CELF4: variants seen among roughly 807,000 people sequenced by gnomAD.
The protein encoded by CELF4 is CUGBP Elav-like family member 4, also known as CUG-BP- and ETR-3-like factor 4.
A neutral mutation model predicts 59.9 loss-of-function variants in CELF4; 18 were observed. That is an observed-to-expected ratio of 0.30 (90% CI 0.21 to 0.45). CELF4 has a LOEUF of 0.45. Ranked by LOEUF, CELF4 falls within the 20% of genes least tolerant of loss-of-function variation. The pLI, the probability that CELF4 is intolerant of heterozygous loss-of-function variation, is 1.00. For missense variants in CELF4, 456 were observed against 689.0 expected (o/e 0.66, Z 3.79); for synonymous variants, 261 against 267.1 (o/e 0.98, Z 0.22).
intron 1 of CELF4, among the ~76,000 whole-genome samples, chr18:37,553,958 A>G (rs532962986): frequency 4.4e-4 from 67 of 152,308 alleles, no homozygotes; most frequent in African/African-American, 1.5e-3. Context: ...CTCCCCTCAC[A>G]CGCAATTTAG....
intron 1 of CELF4, among the ~76,000 whole-genome samples, chr18:37,487,398 A>C (rs1603642464): frequency 1.3e-5 from 2 of 150,876 alleles, no homozygotes; most frequent in East Asian, 3.9e-4. Context: ...CCCACCTCCA[A>C]CTCCTGCCTC....
chr18:37,430,125 C>G (rs2099639509), intron 2 of CELF4, among the ~76,000 whole-genome samples: 1 of 152,290 alleles, frequency 6.6e-6, no homozygotes, highest in Non-Finnish European at 1.5e-5. Context: ...GGCTCTGTAC[C>G]CTGCCATCCG....
chr18:37,265,132 G>T (rs181838976), intron 9 of CELF4, among the ~76,000 whole-genome samples: 1 of 151,314 alleles, frequency 6.6e-6, no homozygotes, highest in Non-Finnish European at 1.5e-5. Flanking sequence ...TACATTACAT[G>T]CATACATGCA....
Position 37,485,552 on chromosome 18 carries a change from C to T in CELF4, c.342G>A (p.Ala114=), listed in dbSNP as rs539903115. ...ERESALKAQS[A]LHEQKTLPGM... is the part of the protein sequence containing the mutation. ...CGGGCAGAGTCTTCTGCTCGTGCAG[C>T]GCGCTCTGGGCCTTCAGCGCTGACT... The change falls in exon 2 of 13, where the codon GCG becomes GCA. Residue 114 remains alanine, a synonymous_variant. Coordinates refer to ENST00000420428, the MANE Select transcript of CELF4 (RefSeq NM_020180.4). 80 of 1,435,334 alleles carry T rather than the reference C, an allele frequency of 5.6e-5. No homozygotes were observed. The South Asian group carries it at 1.1e-3, about 20-fold the overall frequency. The allele number at this position is 1,435,334 out of a possible 1,614,324, so 88.9% of individuals were successfully genotyped here.
At chr18:37,514,826 A>T (rs1366963349) in intron 1 of CELF4, among the ~76,000 whole-genome samples, 1 of 152,172 alleles carries the variant, frequency 6.6e-6, no homozygotes, top group East Asian at 1.9e-4. Context: ...AAAATCATTT[A>T]CTGTGGGCTT....
chr18:37,244,106 A>G lies in CELF4; in HGVS notation c.*1136T>C, dbSNP rs554062787. 64 of 154,360 alleles carry G rather than the reference A, an allele frequency of 4.1e-4. No homozygotes were observed. The highest frequency in any genetic ancestry group is 6.5e-4 in the Admixed American group (10 of 15,342). 9.6% of individuals were successfully genotyped at this position (154,360 alleles called of 1,614,324 possible). On this transcript the variant is annotated 3_prime_UTR_variant, in exon 13 of 13. Coordinates refer to ENST00000420428, the MANE Select transcript of CELF4 (RefSeq NM_020180.4). ...AACTCTACAAAAGTACAGTCCTACA[A>G]CATCTGGGATTTTAGCAGTAATGCT...
intron 2 of CELF4, among the ~76,000 whole-genome samples, chr18:37,432,723 A>C (rs1026862060): frequency 6.6e-6 from 1 of 152,194 alleles, no homozygotes; most frequent in Admixed American, 6.5e-5. Context: ...GGCATTATTC[A>C]AGGCAGGGAC....
chr18:37,321,777 A>G, intron 3 of CELF4, 26 bp downstream of exon 3: 10 of 1,487,026 alleles, frequency 6.7e-6, no homozygotes, highest in African/African-American at 2.8e-5. Context: ...GGGGAGGGGG[A>G]GGGGCAGAGA....
rs2090791674 is a variant in CELF4, at chr18:37,270,763, C to T, written c.1099+5G>A. The T allele has an allele frequency of 6.2e-7, 1 of 1,613,922 alleles. No homozygotes were observed. The highest frequency in any genetic ancestry group is 8.5e-7 in the Non-Finnish European group (1 of 1,179,954). ...ACGGAAATAAGTGCTGACAGATGTG[C>T]TTACCTGGGTAGGGGTGGATGCCAT... is the stretch of plus-strand genomic sequence containing the variant. On this transcript the variant is annotated splice_donor_5th_base_variant and intron_variant, in intron 8 of 12. Coordinates refer to ENST00000420428, the MANE Select transcript of CELF4 (RefSeq NM_020180.4).
chr18:37,343,631 G>A (rs2098137927), intron 2 of CELF4, among the ~76,000 whole-genome samples: 1 of 152,012 alleles, frequency 6.6e-6, no homozygotes, highest in Non-Finnish European at 1.5e-5. Context: ...ATATGTAGGA[G>A]TGCAGGAAGG....
chr18:37,526,246 C>T (rs1026131801), intron 1 of CELF4, among the ~76,000 whole-genome samples: 1 of 152,188 alleles, frequency 6.6e-6, no homozygotes, highest in Non-Finnish European at 1.5e-5. Context: ...AACCCACAAG[C>T]AACCCTTAAA....
chr18:37,470,428 G>A (rs557622107), intron 2 of CELF4, among the ~76,000 whole-genome samples: 1 of 152,208 alleles, frequency 6.6e-6, no homozygotes, highest in South Asian at 2.1e-4. Flanking sequence ...TAATATGGAT[G>A]CTAATGGAAA....
chr18:37,487,775 G>A (rs1011889548), intron 1 of CELF4, among the ~76,000 whole-genome samples: 1 of 152,210 alleles, frequency 6.6e-6, no homozygotes, highest in African/African-American at 2.4e-5. Flanking sequence ...AGGAGGAGGA[G>A]TAGGAGGAGG....
intron 1 of CELF4, among the ~76,000 whole-genome samples, chr18:37,544,245 C>T (rs1024650614): frequency 3.3e-5 from 5 of 151,204 alleles, no homozygotes; most frequent in African/African-American, 7.3e-5. Context: ...GAAATCACTG[C>T]GTTCCACGTT....
At chr18:37,301,850 C>T (rs1165028902) in intron 3 of CELF4, among the ~76,000 whole-genome samples, 1 of 152,212 alleles carries the variant, frequency 6.6e-6, no homozygotes, top group Non-Finnish European at 1.5e-5. Context: ...ACATATGACA[C>T]AGTGTGGGAA....
In CELF4 at chr18:37,283,963, CATAG is replaced by C. The variant is rs1411594230; in HGVS notation, c.449-8724_449-8721del. The stretch of plus-strand genomic sequence containing the variant: ...TGCACCACGCATATACCCCTACATA[CATAG>C]ACACACACCCATCTCACATCCCAAC... On this transcript the variant is annotated intron_variant, in intron 3 of 12. Transcript: ENST00000420428. Among the ~76,000 whole-genome samples, 21 of 149,874 alleles carry C rather than the reference CATAG, an allele frequency of 1.4e-4. 1 individual carries two copies. Among genetic ancestry groups the C allele is most frequent in the South Asian group, 2.2e-4 (1 of 4,648 alleles).
At chr18:37,399,016 A>G (rs2099282771) in intron 2 of CELF4, among the ~76,000 whole-genome samples, 1 of 151,790 alleles carries the variant, frequency 6.6e-6, no homozygotes, top group Admixed American at 6.6e-5. Context: ...AGTCTAGGAA[A>G]CCCCTTTCAG....
chr18:37,344,666 T>A (rs748423601), intron 2 of CELF4, among the ~76,000 whole-genome samples: 2 of 152,240 alleles, frequency 1.3e-5, no homozygotes, highest in Non-Finnish European at 2.9e-5. Flanking sequence ...GCTTTCTGTA[T>A]TTTTCATCAT....
intron 2 of CELF4, among the ~76,000 whole-genome samples, chr18:37,330,068 G>A (rs1009871315): frequency 6.6e-6 from 1 of 152,200 alleles, no homozygotes; most frequent in Non-Finnish European, 1.5e-5. Flanking sequence ...TTCAGCCATA[G>A]GGATAAAAGC....
Sources: allele counts gnomAD v4.1 joint callset (sites outside exome capture counted in the v4.1 genomes callset), GRCh38; gene constraint gnomAD v4.1.1; transcripts MANE v1.5; gene names NCBI Gene and HGNC (gene_info 2026-07-23, HGNC 2026-07-21).